TMEM132B: variants seen among roughly 807,000 people sequenced by gnomAD.
TMEM132B encodes transmembrane protein 132B.
In TMEM132B, 18 loss-of-function variants were observed where a neutral mutation model predicts 90.8. The ratio of observed to expected loss-of-function variants is 0.20; its 90% CI spans 0.14 to 0.29. TMEM132B has a LOEUF of 0.29. Ranked by LOEUF, TMEM132B falls within the 10% of genes least tolerant of loss-of-function variation. The pLI is 1.00. For missense variants in TMEM132B, 1,096 were observed against 1,326.8 expected, an observed-to-expected ratio of 0.83 and a Z score of 2.70; for synonymous variants, 504 against 523.3, an observed-to-expected ratio of 0.96 and a Z score of 0.50.
intron 1 of TMEM132B, among the ~76,000 whole-genome samples, chr12:125,243,969 T>C (rs555659913): frequency 8.6e-5 from 13 of 151,944 alleles, no homozygotes; most frequent in Admixed American, 6.5e-4. Flanking sequence ...CCTGTCTCTC[T>C]GAGTTTGCCT....
chr12:125,238,369 A>AG, intron 1 of TMEM132B, among the ~76,000 whole-genome samples: 1 of 146,280 alleles, frequency 6.8e-6, no homozygotes, highest in East Asian at 1.9e-4. Flanking sequence ...AAAAAACCAA[A>AG]AAAAAAACAA....
Position 125,476,459 on chromosome 12 carries a change from G to C in TMEM132B, c.1107-42980G>C, listed in dbSNP as rs73414315. Among the ~76,000 whole-genome samples, 5 of 152,142 alleles carry C rather than the reference G, an allele frequency of 3.3e-5. No individual in the cohort carries two copies. The South Asian group carries it at 8.3e-4, about 25-fold the overall frequency. On this transcript the variant is annotated intron_variant, in intron 3 of 8. Transcript: ENST00000682704. ...CTTTTGATTTCATCCCTGTAGCAGG[G>C]ATCAGAACTTCATTCCTTTTAATGT...
chr12:125,578,784 C>T (rs1884989011), intron 4 of TMEM132B, among the ~76,000 whole-genome samples: 1 of 152,122 alleles, frequency 6.6e-6, no homozygotes, highest in Non-Finnish European at 1.5e-5. Context: ...CTTTTTGCCT[C>T]CAGTTTCTGA....
At chr12:125,343,960 T>G (rs1467682840) in intron 1 of TMEM132B, among the ~76,000 whole-genome samples, 1 of 152,194 alleles carries the variant, frequency 6.6e-6, no homozygotes, top group Non-Finnish European at 1.5e-5. Flanking sequence ...CACAGAGAGA[T>G]TTATTCTCTC....
At position 125,644,060 on chromosome 12, in the gene TMEM132B, T is replaced by C. The variant is rs749941552; in HGVS notation, c.1438-16T>C. The C allele has an allele frequency of 6.2e-7, 1 of 1,613,380 alleles. No homozygotes were observed. The highest frequency in any genetic ancestry group is 8.5e-7 in the Non-Finnish European group (1 of 1,179,320). ...TTCCTACTGATGCATCTCAAGGTTC[T>C]ACCTCCTTCCCAAAGGTTTCCAACA... On this transcript the variant is annotated splice_polypyrimidine_tract_variant and intron_variant, in intron 5 of 8. Coordinates refer to ENST00000682704, the MANE Select transcript of TMEM132B (RefSeq NM_001366854.1).
intron 3 of TMEM132B, among the ~76,000 whole-genome samples, chr12:125,481,698 G>A (rs1360827737): frequency 1.3e-5 from 2 of 152,084 alleles, no homozygotes; most frequent in African/African-American, 2.4e-5. Flanking sequence ...TATAGATTCA[G>A]TGCCATCCCC....
intron 2 of TMEM132B, among the ~76,000 whole-genome samples, chr12:125,402,913 A>G (rs780275869): frequency 6.6e-6 from 1 of 152,180 alleles, no homozygotes; most frequent in Non-Finnish European, 1.5e-5. Flanking sequence ...TGAGATAAAA[A>G]TGGTTCCTGC....
At chr12:125,358,342 A>G (rs1477731332) in intron 2 of TMEM132B, among the ~76,000 whole-genome samples, 1 of 152,154 alleles carries the variant, frequency 6.6e-6, no homozygotes, top group Non-Finnish European at 1.5e-5. Context: ...TAATGCTAAT[A>G]TCTTATGTAA....
chr12:125,548,096 A>C (rs1415108474), intron 4 of TMEM132B, among the ~76,000 whole-genome samples: 1 of 152,204 alleles, frequency 6.6e-6, no homozygotes, highest in Non-Finnish European at 1.5e-5. Flanking sequence ...GGGAAGGCAG[A>C]GAGGTCTGCC....
intron 3 of TMEM132B, among the ~76,000 whole-genome samples, chr12:125,441,940 A>G (rs1490697100): frequency 6.6e-6 from 1 of 152,250 alleles, no homozygotes; most frequent in Non-Finnish European, 1.5e-5. Flanking sequence ...TTAAATCCAA[A>G]TGCAGTATTT....
chr12:125,386,237 C>T (rs879929219), intron 2 of TMEM132B, among the ~76,000 whole-genome samples: 8 of 152,204 alleles, frequency 5.3e-5, no homozygotes, highest in Non-Finnish European at 1.2e-4. Flanking sequence ...ATCTGCCTGC[C>T]TCGGTCTTCC....
intron 3 of TMEM132B, among the ~76,000 whole-genome samples, chr12:125,425,467 A>T (rs1009702451): frequency 1.3e-5 from 2 of 151,518 alleles, no homozygotes; most frequent in African/African-American, 4.9e-5. Context: ...CATTATTATT[A>T]AAGTCCACAC....
chr12:125,379,745 A>G (rs1032160741), intron 2 of TMEM132B, among the ~76,000 whole-genome samples: 3 of 152,222 alleles, frequency 2.0e-5, no homozygotes. Context: ...AGGCAGATTG[A>G]AAATGCATTT....
At chr12:125,517,048 A>G (rs1175546073) in intron 3 of TMEM132B, among the ~76,000 whole-genome samples, 1 of 152,140 alleles carries the variant, frequency 6.6e-6, no homozygotes, top group Non-Finnish European at 1.5e-5. Context: ...TTTGCCTTTC[A>G]CTAAAGATAC....
chr12:125,369,051 G>A (rs1878218421), intron 2 of TMEM132B, among the ~76,000 whole-genome samples: 2 of 150,988 alleles, frequency 1.3e-5, no homozygotes, highest in Admixed American at 1.3e-4. Context: ...GCCCCGGTGT[G>A]TGATGTTCCC....
intron 3 of TMEM132B, among the ~76,000 whole-genome samples, chr12:125,507,475 T>C (rs1882876162): frequency 6.6e-6 from 1 of 152,084 alleles, no homozygotes; most frequent in Non-Finnish European, 1.5e-5. Flanking sequence ...AGATGGGTCT[T>C]TCAGCAGGCT....
At chr12:125,435,521 T>C (rs1019912711) in intron 3 of TMEM132B, among the ~76,000 whole-genome samples, 1 of 152,172 alleles carries the variant, frequency 6.6e-6, no homozygotes, top group African/African-American at 2.4e-5. Flanking sequence ...GAAACATTTA[T>C]TCCTTCAGCG....
chr12:125,459,001 G>C lies in TMEM132B; in HGVS notation c.1106+43324G>C, dbSNP rs1284827277. On this transcript the variant is annotated intron_variant, in intron 3 of 8. Coordinates refer to ENST00000682704, the MANE Select transcript of TMEM132B (RefSeq NM_001366854.1). The surrounding 1 kb of genome is among the most constrained non-coding windows in gnomAD (Gnocchi z 4.1). ...GGTCATGGAGCTCAGATTCCCTGTG[G>C]TCCCCCCATGTGCAATTAGCATCTT... Among the ~76,000 whole-genome samples, 1 of 152,134 alleles carries C rather than the reference G, an allele frequency of 6.6e-6. No homozygotes were observed. The highest frequency in any genetic ancestry group is 2.4e-5 in the African/African-American group (1 of 41,418).
At chr12:125,508,675 G>A (rs1882903596) in intron 3 of TMEM132B, among the ~76,000 whole-genome samples, 2 of 152,094 alleles carry the variant, frequency 1.3e-5, no homozygotes, top group African/African-American at 4.8e-5. Flanking sequence ...CTTCCCAGTA[G>A]AGATGCAGAG....
Sources: gnomAD v4.1 joint callset for allele counts (sites outside exome capture counted in the v4.1 genomes callset) on GRCh38, gnomAD v4.1.1 for gene constraint, Gnocchi (gnomAD v3.1) non-coding constraint, MANE v1.5 for transcripts, NCBI Gene and HGNC (gene_info 2026-07-23, HGNC 2026-07-21) for gene names.